Variants in TLK2 observed in about 807,000 individuals in gnomAD.
TLK2 encodes the protein serine/threonine-protein kinase tousled-like 2.
A neutral mutation model predicts 117.3 loss-of-function variants in TLK2; 6 were observed. The ratio of observed to expected loss-of-function variants is 0.05; its 90% CI spans 0.03 to 0.10. The LOEUF (loss-of-function observed/expected upper bound fraction) is 0.10. TLK2 is among the 10% of genes least tolerant of loss of function. TLK2 has a pLI of 1.00. For missense variants in TLK2, 299 were observed against 901.2 expected, an observed-to-expected ratio of 0.33 and a Z score of 8.56; for synonymous variants, 257 against 316.7, an observed-to-expected ratio of 0.81 and a Z score of 2.00.
Position 62,564,984 on chromosome 17 carries a change from T to C in TLK2, c.832-17T>C. On this transcript the variant is annotated splice_polypyrimidine_tract_variant and intron_variant, in intron 10 of 21. Coordinates refer to ENST00000346027, the MANE Select transcript of TLK2 (RefSeq NM_006852.6). Reference sequence around the variant, plus strand: ...CTAATTGGTATTGAATTCCTTTTTTTGTCTGTTTCCCCTAAGTCAAAACAA... The same window carrying C: ...CTAATTGGTATTGAATTCCTTTTTTCGTCTGTTTCCCCTAAGTCAAAACAA... 1 of 1,592,240 alleles carries C rather than the reference T, an allele frequency of 6.3e-7. No individual in the cohort carries two copies. Among genetic ancestry groups the C allele is most frequent in the South Asian group, 1.2e-5 (1 of 86,548 alleles).
chr17:62,573,148 G>C (rs2080449742), intron 11 of TLK2, 67 bp from the exon 12 acceptor site: 1 of 1,499,018 alleles, frequency 6.7e-7, no homozygotes, highest in Non-Finnish European at 8.9e-7. Flanking sequence ...GACAAATTGT[G>C]TGTGTTCCAT....
intron 5 of TLK2, among the ~76,000 whole-genome samples, chr17:62,524,034 A>G (rs2076217170): frequency 6.6e-6 from 1 of 151,688 alleles, no homozygotes; most frequent in African/African-American, 2.4e-5. Flanking sequence ...ATCTTGGTAT[A>G]TTTCTGCTGG....
At chr17:62,607,528 CA>C (rs899322051) in intron 20 of TLK2, among the ~76,000 whole-genome samples, 42 of 149,618 alleles carry the variant, frequency 2.8e-4, no homozygotes, top group Non-Finnish European at 5.3e-4. Flanking sequence ...GACTCCATCT[CA>C]AAAAAAAAGA....
intron 2 of TLK2, among the ~76,000 whole-genome samples, chr17:62,489,719 C>A (rs1474839231): frequency 7.2e-5 from 11 of 152,124 alleles, no homozygotes; most frequent in African/African-American, 2.7e-4. Context: ...ACTTCCTTAC[C>A]CTAGTTTCTC....
intron 11 of TLK2, 181 bp from the exon 12 acceptor site, chr17:62,573,034 G>T (rs2080437837): frequency 6.6e-6 from 4 of 608,936 alleles, no homozygotes; most frequent in East Asian, 3.0e-5. Flanking sequence ...CTCATTCCCA[G>T]AAAACATCTA....
At position 62,613,421 on chromosome 17, in the gene TLK2, A is replaced by G. The variant is rs2083928054; in HGVS notation, c.*856A>G. On this transcript the variant is annotated 3_prime_UTR_variant, in exon 22 of 22. Coordinates refer to ENST00000346027, the MANE Select transcript of TLK2 (RefSeq NM_006852.6). The stretch of plus-strand genomic sequence containing the variant: ...TCAACTATTTCTTCACAATTTGAAC[A>G]CTTGACGGTTGTCCCTTTTAATTTA... The G allele has an allele frequency of 6.6e-6, 1 of 152,638 alleles. No individual in the cohort carries two copies. The highest frequency in any genetic ancestry group is 2.1e-4 in the South Asian group (1 of 4,830). The allele number at this position is 152,638 out of a possible 1,614,324, so 9.5% of individuals were successfully genotyped here.
chr17:62,473,998 T>C (rs1475816697), upstream of TLK2, among the ~76,000 whole-genome samples: 1 of 152,160 alleles, frequency 6.6e-6, no homozygotes, highest in Non-Finnish European at 1.5e-5. Flanking sequence ...TGGGCTCAAG[T>C]GATCTCCCAA....
At chr17:62,477,277 C>T (rs559031713), upstream of TLK2, among the ~76,000 whole-genome samples, 2 of 152,242 alleles carry the variant, frequency 1.3e-5, no homozygotes, top group East Asian at 3.9e-4. Flanking sequence ...GCCCTCTTTT[C>T]CTACCCTCTA....
intron 2 of TLK2, chr17:62,516,558 G>T (rs777127047): frequency 1.1e-4 from 173 of 1,608,820 alleles, no homozygotes; most frequent in Middle Eastern, 6.4e-4. Context: ...CATTGGTAAG[G>T]TACCAGTAGA....
Position 62,549,419 on chromosome 17 carries a change from A to AAAAAAAAAAAAAAAG in TLK2, c.532-2869_532-2868insGAAAAAAAAAAAAAA, listed in dbSNP as rs2078239377. On this transcript the variant is annotated intron_variant, in intron 7 of 21. Transcript: ENST00000346027. ...ATCTCAAAAAAAAAAAAAAAAAAAA[A>AAAAAAAAAAAAAAAG]AAAAAAAAAAAAAAAAAATAGAAAC... 1.4e-3 allele frequency among the ~76,000 whole-genome samples: 11 copies of AAAAAAAAAAAAAAAG among 7,738 alleles called. 2 individuals are homozygous for AAAAAAAAAAAAAAAG. Among genetic ancestry groups the AAAAAAAAAAAAAAAG allele is most frequent in the Non-Finnish European group, 3.4e-3 (7 of 2,088 alleles). 5.1% of individuals were successfully genotyped at this position (7,738 alleles called of 152,430 possible). A position where few individuals can be genotyped will look rare whatever the true frequency, so the allele number is the denominator to read the frequency against.
At chr17:62,514,534 A>G (rs1435960839) in intron 2 of TLK2, among the ~76,000 whole-genome samples, 7 of 151,634 alleles carry the variant, frequency 4.6e-5, no homozygotes, top group Non-Finnish European at 8.8e-5. Flanking sequence ...AAACTTTTTA[A>G]TTGTGGTAAA....
chr17:62,588,441 C>T (rs1349468100), intron 16 of TLK2, among the ~76,000 whole-genome samples: 3 of 152,108 alleles, frequency 2.0e-5, no homozygotes, highest in African/African-American at 4.8e-5. Flanking sequence ...TCAGAGAGCA[C>T]GTGAAGGGGA....
At chr17:62,580,445 C>T (rs1003304872) in intron 15 of TLK2, among the ~76,000 whole-genome samples, 5 of 88,010 alleles carry the variant, frequency 5.7e-5, no homozygotes, top group African/African-American at 1.3e-4. Context: ...TATACTGGGT[C>T]GTGGAATTAT....
Position 62,503,980 on chromosome 17 carries a change from C to T in TLK2, c.82-16793C>T, listed in dbSNP as rs564481327. Among the ~76,000 whole-genome samples the T allele has an allele frequency of 1.3e-3, 202 of 152,152 alleles. 1 individual carries two copies. The highest frequency in any genetic ancestry group is 4.6e-3 in the African/African-American group (189 of 41,514). On this transcript the variant is annotated intron_variant, in intron 2 of 21. Transcript: ENST00000346027. ...AACTCCCGACCTCAGGTGATCCACCCGCCTTGACCTCCCAAAGTGCTGGGA... is the reference window on the plus strand; with the variant it reads ...AACTCCCGACCTCAGGTGATCCACCTGCCTTGACCTCCCAAAGTGCTGGGA...
chr17:62,570,814 A>G (rs916964789), intron 11 of TLK2, among the ~76,000 whole-genome samples: 9 of 152,212 alleles, frequency 5.9e-5, no homozygotes, highest in Non-Finnish European at 8.8e-5. Context: ...GATTAAACAT[A>G]TGAATTGTCC....
upstream of TLK2, among the ~76,000 whole-genome samples, chr17:62,477,194 C>T (rs1354470891): frequency 6.6e-6 from 1 of 152,178 alleles, no homozygotes; most frequent in East Asian, 1.9e-4. Context: ...TTTGTGTTGC[C>T]TTGGACCGGC....
chr17:62,582,792 C>T (rs904604328), intron 15 of TLK2, among the ~76,000 whole-genome samples: 1 of 152,106 alleles, frequency 6.6e-6, no homozygotes, highest in African/African-American at 2.4e-5. Flanking sequence ...ACTTTCCTTT[C>T]CCCCTCCTCC....
chr17:62,529,207 A>C (rs1567857577), intron 6 of TLK2, among the ~76,000 whole-genome samples: 1 of 152,056 alleles, frequency 6.6e-6, no homozygotes, highest in East Asian at 1.9e-4. Flanking sequence ...GACTCTCTTC[A>C]TCTCTTTAAA....
chr17:62,588,075 T>C (rs1001698962), intron 16 of TLK2, among the ~76,000 whole-genome samples: 2 of 141,700 alleles, frequency 1.4e-5, no homozygotes, highest in African/African-American at 5.3e-5. Context: ...CATCTGTATA[T>C]GTATAAAATA....
Sources: allele counts gnomAD v4.1 joint callset (sites outside exome capture counted in the v4.1 genomes callset), GRCh38; gene constraint gnomAD v4.1.1; transcripts MANE v1.5; gene names NCBI Gene and HGNC (gene_info 2026-07-23, HGNC 2026-07-21).